Variants in ST6GALNAC3 observed in about 807,000 individuals in gnomAD.
The protein encoded by ST6GALNAC3 is alpha-N-acetylgalactosaminide alpha-2,6-sialyltransferase 3.
Under a neutral mutation model 32.7 loss-of-function variants are expected in ST6GALNAC3, and 25 were observed. That is an observed-to-expected ratio of 0.76 (90% CI 0.56 to 1.07). ST6GALNAC3 has a LOEUF of 1.07. Ranked by LOEUF, ST6GALNAC3 falls within the 50% of genes least tolerant of loss-of-function variation. ST6GALNAC3 has a pLI of 0.00. For missense variants in ST6GALNAC3, 355 were observed against 382.4 expected, an observed-to-expected ratio of 0.93 and a Z score of 0.60; for synonymous variants, 129 against 133.1, an observed-to-expected ratio of 0.97 and a Z score of 0.21.
At chr1:76,238,227 A>G (rs1656767864) in intron 1 of ST6GALNAC3, among the ~76,000 whole-genome samples, 1 of 152,178 alleles carries the variant, frequency 6.6e-6, no homozygotes, top group Admixed American at 6.5e-5. Context: ...ATTGCCTTGG[A>G]TTCTCTACAT....
chr1:76,107,007 A>G (rs1432137828), intron 1 of ST6GALNAC3, among the ~76,000 whole-genome samples: 1 of 152,214 alleles, frequency 6.6e-6, no homozygotes, highest in Non-Finnish European at 1.5e-5. Context: ...CCTGTGAGCC[A>G]GAAGGGTAAT....
rs78539433 is a variant in ST6GALNAC3, at chr1:76,346,268, G to A, written c.213+32269G>A. On this transcript the variant is annotated intron_variant, in intron 2 of 4. Coordinates refer to ENST00000328299, the MANE Select transcript of ST6GALNAC3 (RefSeq NM_152996.4). ...GAAAAAGTAAGCTCACACCAGGTAAGTAAATTTTCCAAGGTCACAGACAGG... is the reference window on the plus strand; with the variant it reads ...GAAAAAGTAAGCTCACACCAGGTAAATAAATTTTCCAAGGTCACAGACAGG... Among the ~76,000 whole-genome samples the A allele has an allele frequency of 4.7e-3, 721 of 152,268 alleles. 8 individuals are homozygous for A. The highest frequency in any genetic ancestry group is 0.016 in the African/African-American group (673 of 41,552).
At chr1:76,596,391 C>T (rs1220446806) in intron 3 of ST6GALNAC3, among the ~76,000 whole-genome samples, 1 of 152,124 alleles carries the variant, frequency 6.6e-6, no homozygotes, top group Non-Finnish European at 1.5e-5. Context: ...ACAATTCTGG[C>T]ACATAGTAGT....
intron 3 of ST6GALNAC3, among the ~76,000 whole-genome samples, chr1:76,478,383 C>A (rs1659489596): frequency 1.3e-5 from 2 of 152,154 alleles, no homozygotes; most frequent in Admixed American, 6.5e-5. Flanking sequence ...GCAAACATAT[C>A]CTTTTGTTTT....
chr1:76,493,252 T>C (rs1246213463), intron 3 of ST6GALNAC3, among the ~76,000 whole-genome samples: 2 of 151,930 alleles, frequency 1.3e-5, no homozygotes, highest in Non-Finnish European at 2.9e-5. Context: ...CCATATAGAG[T>C]TGGCAAAGTC....
intron 1 of ST6GALNAC3, among the ~76,000 whole-genome samples, chr1:76,254,639 G>T (rs1232792990): frequency 6.6e-6 from 1 of 152,076 alleles, no homozygotes; most frequent in Non-Finnish European, 1.5e-5. Flanking sequence ...TATAGGCATT[G>T]GGAATCTAGT....
At position 76,627,509 on chromosome 1, in the gene ST6GALNAC3, C is replaced by A. The variant is rs1297794903; in HGVS notation, c.681C>A (p.Asp227Glu). ...GGTTTACCTTCCTTCTGGCCATGGA[C>A]GCCTGTTATGGCATTCACGTCTACG... ...TGWFTFLLAM[D>E]ACYGIHVYGM... Residue 227 changes from aspartate to glutamate, a missense_variant, in exon 4 of 5, where the codon GAC becomes GAA. Transcript: ENST00000328299. 6.2e-7 allele frequency: 1 copy of A among 1,612,576 alleles called. No individual in the cohort carries two copies. Among genetic ancestry groups the A allele is most frequent in the Non-Finnish European group, 8.5e-7 (1 of 1,179,046 alleles).
intron 3 of ST6GALNAC3, among the ~76,000 whole-genome samples, chr1:76,415,750 G>C (rs766114477): frequency 3.3e-5 from 5 of 152,076 alleles, no homozygotes; most frequent in Admixed American, 6.6e-5. Flanking sequence ...TCTTTTAGTA[G>C]TTAAGAGAGC....
In ST6GALNAC3 at chr1:76,313,860, T is replaced by C. The variant is rs1339237170; in HGVS notation, c.74T>C (p.Val25Ala). 1 of 1,613,620 alleles carries C rather than the reference T, an allele frequency of 6.2e-7. No homozygotes were observed. The highest frequency in any genetic ancestry group is 1.7e-5 in the Admixed American group (1 of 59,934). Reference sequence around the variant, plus strand: ...GCAGCGTTCCTTTTCCTGCTGGTTGTGCGTCTTGTAAATGAAGTGAATTTC... The same window carrying C: ...GCAGCGTTCCTTTTCCTGCTGGTTGCGCGTCTTGTAAATGAAGTGAATTTC... ...FIAAFLFLLV[V>A]RLVNEVNFPL... The change falls in exon 2 of 5, where the codon GTG (valine) becomes GCG (alanine). Residue 25 changes from valine to alanine, a missense_variant. By Grantham distance (64) the Val-to-Ala change is moderately conservative. Transcript: ENST00000328299.
intron 3 of ST6GALNAC3, among the ~76,000 whole-genome samples, chr1:76,597,172 AG>A (rs1190208874): frequency 6.6e-6 from 1 of 152,204 alleles, no homozygotes; most frequent in Admixed American, 6.6e-5. Flanking sequence ...TTTGGAGAGT[AG>A]GGAGAAACTA....
At chr1:76,527,261 G>A (rs1662970586) in intron 3 of ST6GALNAC3, among the ~76,000 whole-genome samples, 1 of 152,090 alleles carries the variant, frequency 6.6e-6, no homozygotes, top group Admixed American at 6.6e-5. Context: ...CTTTTATTGT[G>A]AGAGAATGGA....
intron 1 of ST6GALNAC3, among the ~76,000 whole-genome samples, chr1:76,216,876 C>G (rs570710021): frequency 2.3e-4 from 35 of 152,234 alleles, no homozygotes; most frequent in African/African-American, 8.4e-4. Context: ...AAATCACTGG[C>G]ACATAAAGTT....
At chr1:76,240,660 C>T (rs920920706) in intron 1 of ST6GALNAC3, among the ~76,000 whole-genome samples, 3 of 152,210 alleles carry the variant, frequency 2.0e-5, no homozygotes, top group Non-Finnish European at 4.4e-5. Flanking sequence ...GCTGATCTGT[C>T]CCTCAGCTGA....
At chr1:76,612,678 A>T (rs1323899797) in intron 3 of ST6GALNAC3, among the ~76,000 whole-genome samples, 2 of 152,092 alleles carry the variant, frequency 1.3e-5, no homozygotes, top group Admixed American at 6.5e-5. Context: ...TTGCACTTTT[A>T]AAAAAAGCCT....
chr1:76,427,061 C>T (rs989152743), intron 3 of ST6GALNAC3, among the ~76,000 whole-genome samples: 12 of 152,046 alleles, frequency 7.9e-5, no homozygotes, highest in Non-Finnish European at 1.5e-4. Context: ...TCATGCATAG[C>T]TCAAGAATCT....
intron 3 of ST6GALNAC3, among the ~76,000 whole-genome samples, chr1:76,524,385 T>A (rs951502071): frequency 6.6e-6 from 1 of 152,172 alleles, no homozygotes; most frequent in Non-Finnish European, 1.5e-5. Context: ...TCTGATTATA[T>A]TTGTCTCTAC....
rs1388012510 is a variant in ST6GALNAC3 at position 76,215,368 on chromosome 1, G to A, written c.19-98437G>A. 2.0e-5 allele frequency among the ~76,000 whole-genome samples: 3 copies of A among 152,278 alleles called. No homozygotes were observed. The East Asian group carries it at 5.8e-4, about 29-fold the overall frequency. On this transcript the variant is annotated intron_variant, in intron 1 of 4. Coordinates refer to ENST00000328299, the MANE Select transcript of ST6GALNAC3 (RefSeq NM_152996.4). ...TGCCAGAATTTAGATTTTAGCAATA[G>A]GAATAAGGTATGCAGAGTAGCACAT... is the stretch of plus-strand genomic sequence containing the variant.
intron 1 of ST6GALNAC3, among the ~76,000 whole-genome samples, chr1:76,165,367 G>T (rs1652056986): frequency 6.6e-6 from 1 of 152,130 alleles, no homozygotes; most frequent in Non-Finnish European, 1.5e-5. Context: ...TTTAATGGTT[G>T]CATAGTATTC....
chr1:76,270,381 C>T (rs1013471324), intron 1 of ST6GALNAC3, among the ~76,000 whole-genome samples: 2 of 151,810 alleles, frequency 1.3e-5, no homozygotes, highest in Non-Finnish European at 2.9e-5. Flanking sequence ...GTGGCAGGTG[C>T]CTGTAATCCC....
Sources: allele counts gnomAD v4.1 joint callset (sites outside exome capture counted in the v4.1 genomes callset), GRCh38; gene constraint gnomAD v4.1.1; transcripts MANE v1.5; gene names NCBI Gene and HGNC (gene_info 2026-07-23, HGNC 2026-07-21).